The following PTPRM variants were observed in gnomAD, a reference collection of about 807,000 sequenced individuals.
The protein encoded by PTPRM is protein tyrosine phosphatase receptor type M, also known as receptor-type tyrosine-protein phosphatase mu.
PTPRM carries 47 observed loss-of-function variants against 186.7 expected under a neutral mutation model. The observed-to-expected ratio is 0.25, with a 90% confidence interval of 0.20 to 0.32. The LOEUF (loss-of-function observed/expected upper bound fraction) is 0.32, where lower values mean the gene tolerates loss of function less well. PTPRM is among the 10% of genes least tolerant of loss of function. The probability of loss-of-function intolerance (pLI) is 1.00; values close to 1 mark genes in which losing one functional copy is unlikely to be tolerated. For missense variants in PTPRM, 1,494 were observed against 1,865.0 expected (o/e 0.80, Z 3.66); for synonymous variants, 668 against 674.9 (o/e 0.99, Z 0.16).
chr18:8,249,536 C>G (rs888973275), intron 17 of PTPRM, among the ~76,000 whole-genome samples: 7 of 152,134 alleles, frequency 4.6e-5, no homozygotes, highest in Admixed American at 1.3e-4. Flanking sequence ...TTTGCAGAAT[C>G]TTTTGATAGG....
At chr18:8,292,358 A>G (rs1484552892) in intron 19 of PTPRM, among the ~76,000 whole-genome samples, 1 of 152,198 alleles carries the variant, frequency 6.6e-6, no homozygotes, top group African/African-American at 2.4e-5. Flanking sequence ...AAGGCAACCA[A>G]TCTAGAAAGC....
chr18:8,226,484 A>G (rs931795725), intron 14 of PTPRM, among the ~76,000 whole-genome samples: 2 of 152,178 alleles, frequency 1.3e-5, no homozygotes, highest in Admixed American at 6.5e-5. Context: ...TATTTTTCCT[A>G]GGAGAAAAAG....
At chr18:8,068,019 G>C (rs1351435428) in intron 7 of PTPRM, among the ~76,000 whole-genome samples, 4 of 152,068 alleles carry the variant, frequency 2.6e-5, no homozygotes, top group Admixed American at 6.5e-5. Context: ...GTGGAGTGGG[G>C]ACAGCATGAT....
intron 14 of PTPRM, among the ~76,000 whole-genome samples, chr18:8,232,025 A>T (rs1368514196): frequency 1.3e-5 from 2 of 152,176 alleles, no homozygotes; most frequent in African/African-American, 4.8e-5. Flanking sequence ...TTATAGTATC[A>T]TATAAATAAG....
At chr18:7,611,362 A>G (rs1567982365) in intron 1 of PTPRM, among the ~76,000 whole-genome samples, 1 of 152,128 alleles carries the variant, frequency 6.6e-6, no homozygotes, top group Non-Finnish European at 1.5e-5. Context: ...TTCACTCACC[A>G]CTCACTGACC....
intron 1 of PTPRM, among the ~76,000 whole-genome samples, chr18:7,615,495 A>G (rs914214529): frequency 2.0e-5 from 3 of 152,040 alleles, no homozygotes; most frequent in African/African-American, 7.2e-5. Context: ...ATTCCCCAGT[A>G]CCTCTCCAGC....
chr18:7,885,889 T>C (rs1473957292), intron 2 of PTPRM, among the ~76,000 whole-genome samples: 1 of 152,106 alleles, frequency 6.6e-6, no homozygotes, highest in African/African-American at 2.4e-5. Context: ...ACAGTAATGG[T>C]AGAAAGGTAC....
rs1223879206 is a variant in PTPRM at position 8,343,371 on chromosome 18, C to CAA, written c.2957-52_2957-51insAA. 1.6e-5 allele frequency: 25 copies of CAA among 1,536,814 alleles called. 2 individuals are homozygous for CAA. The highest frequency in any genetic ancestry group is 1.6e-4 in the Admixed American group (9 of 57,654). ...TGTATTTGTAAGCCCCGGAAATTTT[C>CAA]CAGTTGAAACTTACAACAAAAACAA... On this transcript the variant is annotated intron_variant, in intron 22 of 32. Coordinates refer to ENST00000580170, the MANE Select transcript of PTPRM (RefSeq NM_001105244.2).
chr18:7,662,716 T>C (rs1020244384), intron 1 of PTPRM, among the ~76,000 whole-genome samples: 1 of 152,184 alleles, frequency 6.6e-6, no homozygotes, highest in Non-Finnish European at 1.5e-5. Flanking sequence ...TATAATTGAA[T>C]TGTTTGTAAC....
intron 14 of PTPRM, among the ~76,000 whole-genome samples, chr18:8,212,648 A>T (rs2094023018): frequency 6.6e-6 from 1 of 151,994 alleles, no homozygotes; most frequent in African/African-American, 2.4e-5. Context: ...CTGCAAAAAA[A>T]TTTTTTTAAT....
At chr18:7,962,721 G>A (rs1467471630) in intron 7 of PTPRM, among the ~76,000 whole-genome samples, 12 of 152,086 alleles carry the variant, frequency 7.9e-5, no homozygotes, top group Admixed American at 7.2e-4. Flanking sequence ...GTTTCTGTGG[G>A]AAAAAAGGAA....
At chr18:7,717,590 A>C (rs1436391436) in intron 1 of PTPRM, among the ~76,000 whole-genome samples, 1 of 152,250 alleles carries the variant, frequency 6.6e-6, no homozygotes, top group African/African-American at 2.4e-5. Flanking sequence ...CATTGCCTTC[A>C]CTGGCAGAGG....
chr18:7,717,347 A>T (rs1007591580), intron 1 of PTPRM, among the ~76,000 whole-genome samples: 1 of 151,974 alleles, frequency 6.6e-6, no homozygotes, highest in Middle Eastern at 3.2e-3. Flanking sequence ...GGACAGCTTG[A>T]TGGTGTAACT....
intron 13 of PTPRM, among the ~76,000 whole-genome samples, chr18:8,125,031 C>A (rs983799505): frequency 2.0e-5 from 3 of 151,942 alleles, no homozygotes; most frequent in African/African-American, 4.8e-5. Flanking sequence ...TACTTGTCTA[C>A]CACCAATGAA....
At chr18:7,702,190 C>T (rs1291519640) in intron 1 of PTPRM, among the ~76,000 whole-genome samples, 1 of 152,112 alleles carries the variant, frequency 6.6e-6, no homozygotes, top group Non-Finnish European at 1.5e-5. Context: ...ATTTATAATT[C>T]TTTGGGTATA....
chr18:7,821,300 G>A (rs1034760567), intron 2 of PTPRM, among the ~76,000 whole-genome samples: 3 of 152,148 alleles, frequency 2.0e-5, no homozygotes, highest in African/African-American at 7.2e-5. Context: ...GCCATGCAGG[G>A]ACAGTTGCTT....
chr18:7,644,610 A>G (rs1274912942), intron 1 of PTPRM, among the ~76,000 whole-genome samples: 2 of 152,178 alleles, frequency 1.3e-5, no homozygotes, highest in Non-Finnish European at 2.9e-5. Context: ...TATTCCATAA[A>G]AACTCAGATG....
chr18:7,795,281 C>G (rs993712086), intron 2 of PTPRM, among the ~76,000 whole-genome samples: 4 of 152,128 alleles, frequency 2.6e-5, no homozygotes, highest in Non-Finnish European at 4.4e-5. Context: ...TGACCGTAGC[C>G]TGGTTCATCA....
chr18:7,809,940 C>T (rs1201361627), intron 2 of PTPRM, among the ~76,000 whole-genome samples: 1 of 152,174 alleles, frequency 6.6e-6, no homozygotes, highest in Non-Finnish European at 1.5e-5. Context: ...GTTCCTGTTT[C>T]AGGGAATATC....
Sources: allele counts gnomAD v4.1 joint callset (sites outside exome capture counted in the v4.1 genomes callset), GRCh38; gene constraint gnomAD v4.1.1; transcripts MANE v1.5; gene names NCBI Gene and HGNC (gene_info 2026-07-23, HGNC 2026-07-21).